Variants in CHRNA6 observed in about 807,000 individuals in gnomAD.
CHRNA6 encodes the protein neuronal acetylcholine receptor subunit alpha-6.
CHRNA6 carries 31 observed loss-of-function variants against 40.9 expected under a neutral mutation model. That is an observed-to-expected ratio of 0.76 (90% CI 0.57 to 1.02). CHRNA6 has a LOEUF of 1.02. Among genes scored for constraint, CHRNA6 ranks in the 50% least tolerant of loss-of-function variants. The probability of loss-of-function intolerance (pLI) is 0.00; values close to 1 mark genes in which losing one functional copy is unlikely to be tolerated. For missense variants in CHRNA6, 546 were observed against 596.6 expected, an observed-to-expected ratio of 0.92 and a Z score of 0.88; for synonymous variants, 222 against 221.3, an observed-to-expected ratio of 1.00 and a Z score of -0.03.
intron 2 of CHRNA6, among the ~76,000 whole-genome samples, chr8:42,762,111 C>G (rs1296636013): frequency 2.0e-5 from 3 of 152,278 alleles, no homozygotes; most frequent in Non-Finnish European, 2.9e-5. Flanking sequence ...GGGGATCAGA[C>G]AGCGGGCCTT....
chr8:42,762,192 T>C (rs1229157121), intron 2 of CHRNA6, among the ~76,000 whole-genome samples: 7 of 152,156 alleles, frequency 4.6e-5, no homozygotes, highest in Non-Finnish European at 1.0e-4. Flanking sequence ...CCACCCCAAG[T>C]TCACCTGACA....
In CHRNA6 at chr8:42,759,235, C is replaced by A. The variant is rs892413; in HGVS notation, c.220-122G>T. On this transcript the variant is annotated intron_variant, in intron 2 of 5. Transcript: ENST00000276410. ...TATTCATGCCAATAGAAGAAGACTT[C>A]AAGGCAATGTGTGAAAGCATTCAGC... 0.25 allele frequency: 182,300 copies of A among 732,570 alleles called. 30,168 individuals are homozygous for A. Among genetic ancestry groups the A allele is most frequent in the African/African-American group, 0.71 (40,605 of 57,124 alleles). 45.4% of individuals were successfully genotyped at this position (732,570 alleles called of 1,614,324 possible).
At position 42,756,822 on chromosome 8, in the gene CHRNA6, G is replaced by C; in HGVS notation, c.377C>G (p.Ala126Gly). Residue 126 changes from alanine to glycine, a missense_variant and splice_region_variant, in exon 5 of 6, where the codon GCT (alanine) becomes GGT (glycine). Physicochemically the swap from Ala to Gly is moderately conservative, Grantham distance 60. This residue lies in a region of CHRNA6 where 476 missense variants were observed against 494.5 expected (regional missense o/e 0.96). Transcript: ENST00000276410. ...WKPDIVLYNN[A>G]VGDFQVEGKT... ...GCCTTCTACTTGGAAGTCACCAACA[G>C]CACTGCAAAGCAAGTCAGACACCAT... 6.2e-7 allele frequency: 1 copy of C among 1,606,330 alleles called. No homozygotes were observed. The highest frequency in any genetic ancestry group is 8.5e-7 in the Non-Finnish European group (1 of 1,177,272).
intron 5 of CHRNA6, among the ~76,000 whole-genome samples, chr8:42,755,123 A>G (rs1160976978): frequency 6.7e-6 from 1 of 148,914 alleles, no homozygotes; most frequent in Non-Finnish European, 1.5e-5. Context: ...GGCTCAAGCA[A>G]TCCTCCCACC....
chr8:42,764,852 C>T (rs1228928049), intron 2 of CHRNA6: 12 of 552,966 alleles, frequency 2.2e-5, no homozygotes, highest in Admixed American at 3.2e-5. Context: ...CTCTTTGTTT[C>T]GTAAACTGGT....
At position 42,753,275 on chromosome 8, in the gene CHRNA6, C is replaced by T. The variant is rs1207649737; in HGVS notation, c.1389G>A (p.Val463=). 4 of 1,611,090 alleles carry T rather than the reference C, an allele frequency of 2.5e-6. No individual in the cohort carries two copies. Among genetic ancestry groups the T allele is most frequent in the South Asian group, 2.2e-5 (2 of 89,962 alleles). The change falls in exon 6 of 6, where the codon GTG becomes GTA. Residue 463 remains valine, a synonymous_variant. Coordinates refer to ENST00000276410, the MANE Select transcript of CHRNA6 (RefSeq NM_004198.3). ...EDDWKYVAMV[V]DRVFLWVFII... is the part of the protein sequence containing the mutation. Reference sequence around the variant, plus strand: ...TAAATACCCAAAGAAATACTCTGTCCACCACCATGGCCACGTATTTCCAGT... The same window carrying T: ...TAAATACCCAAAGAAATACTCTGTCTACCACCATGGCCACGTATTTCCAGT...
chr8:42,756,354 A>G lies in CHRNA6; in HGVS notation c.845T>C (p.Leu282Pro), dbSNP rs780776442. The G allele has an allele frequency of 1.9e-6, 3 of 1,614,264 alleles. No homozygotes were observed. The highest frequency in any genetic ancestry group is 2.2e-5 in the South Asian group (2 of 91,086). ...VTLCISVLLS[L>P]TVFLLVITET... ...TGTGATGACCAGCAAAAACACAGTC[A>G]GAGAAAGCAGGACTGAAATACAAAG... is the stretch of plus-strand genomic sequence containing the variant. Residue 282 changes from leucine (L) to proline (P), a missense_variant, in exon 5 of 6, where the codon CTG becomes CCG. Leu to Pro is a moderately conservative substitution (Grantham distance 98, BLOSUM62 -3). Around this residue, in one of 3 missense-constraint regions of CHRNA6, gnomAD observed 476 missense variants for 494.5 expected, o/e 0.96. Transcript: ENST00000276410.
intron 2 of CHRNA6, among the ~76,000 whole-genome samples, chr8:42,762,148 C>A (rs936862986): frequency 2.6e-5 from 4 of 152,164 alleles, no homozygotes; most frequent in Admixed American, 1.3e-4. Flanking sequence ...AAGGGAGGGG[C>A]AACAAAGCTT....
chr8:42,753,173 T>C lies in CHRNA6; in HGVS notation c.*6A>G, dbSNP rs202223533. 3.8e-6 allele frequency: 6 copies of C among 1,588,826 alleles called. No individual in the cohort carries two copies. Among genetic ancestry groups the C allele is most frequent in the Non-Finnish European group, 5.1e-6 (6 of 1,173,824 alleles). On this transcript the variant is annotated 3_prime_UTR_variant, in exon 6 of 6. Transcript: ENST00000276410. ...GTAAATTTCTGAACATAAAAGAAAA[T>C]ACATTTTAAGATTTTCCTGTGTTCC...
intron 1 of CHRNA6, among the ~76,000 whole-genome samples, chr8:42,767,423 T>G (rs1429867986): frequency 6.6e-6 from 1 of 152,246 alleles, no homozygotes; most frequent in Admixed American, 6.5e-5. Flanking sequence ...TTCATTTCAT[T>G]ACTACCTCCT....
Position 42,755,540 on chromosome 8 carries a change from G to C in CHRNA6, c.1353+306C>G, listed in dbSNP as rs1816784859. Among the ~76,000 whole-genome samples the C allele has an allele frequency of 2.0e-5, 3 of 152,326 alleles. No homozygotes were observed. In the South Asian group the frequency reaches 6.2e-4, roughly 32 times the overall value. On this transcript the variant is annotated intron_variant, in intron 5 of 5. Transcript: ENST00000276410. ...GATCCGCCTGCCTTGGCCTCCCAAAGTGCTAGGATTACAGGCGTGAGCCAC... is the reference window on the plus strand; with the variant it reads ...GATCCGCCTGCCTTGGCCTCCCAAACTGCTAGGATTACAGGCGTGAGCCAC...
chr8:42,765,262 G>A (rs1195629768), intron 1 of CHRNA6, 58 bp from the exon 2 acceptor site: 9 of 1,582,920 alleles, frequency 5.7e-6, no homozygotes, highest in Admixed American at 3.4e-5. Context: ...CCACTGCAGC[G>A]ATTCTAGGCA....
At chr8:42,759,959 C>A (rs1816872164) in intron 2 of CHRNA6, among the ~76,000 whole-genome samples, 1 of 151,536 alleles carries the variant, frequency 6.6e-6, no homozygotes, top group Non-Finnish European at 1.5e-5. Context: ...AGCTGCTACT[C>A]ACCCCCAGCG....
intron 1 of CHRNA6, among the ~76,000 whole-genome samples, chr8:42,767,776 A>G (rs1233958158): frequency 6.6e-6 from 1 of 152,226 alleles, no homozygotes; most frequent in Non-Finnish European, 1.5e-5. Context: ...TTTATAGCAG[A>G]TAAACCCTCC....
chr8:42,758,353 T>G (rs1379843354), intron 3 of CHRNA6, among the ~76,000 whole-genome samples: 3 of 137,710 alleles, frequency 2.2e-5, no homozygotes, highest in African/African-American at 2.7e-5. Flanking sequence ...TTCCTTTCTG[T>G]TTTTTTTTTG....
chr8:42,755,897 G>A lies in CHRNA6; in HGVS notation c.1302C>T (p.Asn434=). ...TGTTTTCTGCTATGAACTGAACACT[G>A]TTAATCACATCTTCAACTTCAGGCG... ...EHSPEVEDVI[N]SVQFIAENMK... Residue 434 remains asparagine (N), a synonymous_variant, in exon 5 of 6, where the codon AAC becomes AAT. Transcript: ENST00000276410. The A allele has an allele frequency of 6.2e-7, 1 of 1,614,216 alleles. No homozygotes were observed. Among genetic ancestry groups the A allele is most frequent in the Non-Finnish European group, 8.5e-7 (1 of 1,180,012 alleles).
chr8:42,759,009 A>G, intron 3 of CHRNA6, 60 bp downstream of exon 3: 2 of 1,216,032 alleles, frequency 1.6e-6, no homozygotes, highest in Non-Finnish European at 2.4e-6. Flanking sequence ...GGAACAAGGT[A>G]GTGCTTGTGG....
At chr8:42,753,643 C>T (rs756269101) in intron 5 of CHRNA6, among the ~76,000 whole-genome samples, 2 of 152,224 alleles carry the variant, frequency 1.3e-5, no homozygotes, top group Non-Finnish European at 2.9e-5. Context: ...CACTGCACTC[C>T]AGCCTGGGTG....
intron 2 of CHRNA6, 169 bp downstream of exon 2, chr8:42,764,896 C>T (rs1816950957): frequency 3.0e-6 from 2 of 667,032 alleles, no homozygotes; most frequent in South Asian, 4.0e-5. Flanking sequence ...CACTGCCTCA[C>T]ACAGACAGTT....
Sources: allele counts gnomAD v4.1 joint callset (sites outside exome capture counted in the v4.1 genomes callset), GRCh38; gene constraint gnomAD v4.1.1; regional missense constraint gnomAD v4.1.1; transcripts MANE v1.5; gene names NCBI Gene and HGNC (gene_info 2026-07-23, HGNC 2026-07-21).